Variants in SLC2A8 observed in about 807,000 individuals in gnomAD.
SLC2A8 encodes solute carrier family 2 member 8, also known as solute carrier family 2, facilitated glucose transporter member 8.
A neutral mutation model predicts 49.2 loss-of-function variants in SLC2A8; 53 were observed. The observed-to-expected ratio is 1.08, with a 90% CI of 0.86 to 1.35. The LOEUF (loss-of-function observed/expected upper bound fraction) is 1.35, where lower values mean the gene tolerates loss of function less well. Among genes scored for constraint, SLC2A8 ranks in the 40% most tolerant of loss-of-function variants. The pLI is 0.00. For synonymous variants in SLC2A8, 299 were observed against 297.0 expected, an observed-to-expected ratio of 1.01 and a Z score of -0.07; for missense variants, 688 against 671.7, an observed-to-expected ratio of 1.02 and a Z score of -0.27.
At chr9:127,402,898 T>C (rs1388233990) in intron 5 of SLC2A8, 145 bp downstream of exon 5, 7 of 1,071,074 alleles carry the variant, frequency 6.5e-6, no homozygotes, top group Non-Finnish European at 9.0e-6. Flanking sequence ...ACAGGCCCAG[T>C]GTGTCCTGTC....
At chr9:127,406,121 A>T in intron 9 of SLC2A8, 3 of 511,148 alleles carry the variant, frequency 5.9e-6, no homozygotes, top group Non-Finnish European at 1.2e-5. Context: ...GGGGTAGATG[A>T]TCTGGTTGTT....
At position 127,405,514 on chromosome 9, in the gene SLC2A8, C is replaced by T. The variant is rs371704540; in HGVS notation, c.1245C>T (p.Leu415=). 140 of 1,613,142 alleles carry T rather than the reference C, an allele frequency of 8.7e-5. No homozygotes were observed. The Middle Eastern group carries it at 9.9e-4, about 11-fold the overall frequency. ...VKGVATGICV[L]TNWLMAFLVT... is the part of the protein sequence containing the mutation. ...GCGTGGCGACAGGCATCTGCGTCCT[C>T]ACCAACTGGCTCATGGCCTTTCTCG... The change falls in exon 9 of 10, where the codon CTC becomes CTT. Residue 415 remains leucine, a synonymous_variant. Transcript: ENST00000373371.
intron 3 of SLC2A8, among the ~76,000 whole-genome samples, chr9:127,398,925 TG>T (rs984365425): frequency 2.6e-5 from 4 of 152,226 alleles, no homozygotes; most frequent in Non-Finnish European, 5.9e-5. Context: ...GGCCCCTCCC[TG>T]GGTGCTCATT....
At chr9:127,398,940 C>T (rs1675713971) in intron 3 of SLC2A8, among the ~76,000 whole-genome samples, 2 of 152,238 alleles carry the variant, frequency 1.3e-5, no homozygotes, top group Non-Finnish European at 2.9e-5. Flanking sequence ...GCTCATTTCA[C>T]CAACGTTTGC....
chr9:127,407,264 G>C lies in SLC2A8; in HGVS notation c.*15G>C. 4 of 1,612,802 alleles carry C rather than the reference G, an allele frequency of 2.5e-6. No individual in the cohort carries two copies. The highest frequency in any genetic ancestry group is 3.4e-6 in the Non-Finnish European group (4 of 1,179,914). ...AGGGGCGATGACAGCCACTCACTAG[G>C]GGATGGAGCAAGCCTGTGACTCCAA... On this transcript the variant is annotated 3_prime_UTR_variant, in exon 10 of 10. Transcript: ENST00000373371.
chr9:127,404,174 A>G (rs1026901754), intron 7 of SLC2A8, 107 bp downstream of exon 7: 1 of 742,850 alleles, frequency 1.3e-6, no homozygotes, highest in Admixed American at 2.8e-5. Context: ...GACAAACATC[A>G]TGGACTAATG....
rs924266950 is a variant in SLC2A8 at position 127,397,506 on chromosome 9, C to T, written c.187C>T (p.Arg63Cys). 4 of 1,440,860 alleles carry T rather than the reference C, an allele frequency of 2.8e-6. No homozygotes were observed. Among genetic ancestry groups the T allele is most frequent in the Admixed American group, 3.0e-5 (1 of 33,080 alleles). 89.3% of individuals were successfully genotyped at this position (1,440,860 alleles called of 1,614,324 possible). ...SLQRAAPPAPRLDDAAASWFG... is the reference protein window; with the variant it reads ...SLQRAAPPAPCLDDAAASWFG... ...GCAGCGCGCCGCGCCCCCGGCCCCG[C>T]GCCTGGACGACGCCGCCGCCTCCTG... Residue 63 changes from arginine (R) to cysteine (C), a missense_variant, in exon 2 of 10, where the codon CGC (arginine) becomes TGC (cysteine). By Grantham distance (180) the Arg-to-Cys change is radical. Transcript: ENST00000373371.
Position 127,407,415 on chromosome 9 carries a change from GCT to G in SLC2A8, c.*168_*169del. The G allele has an allele frequency of 1.2e-6, 1 of 848,364 alleles. No individual in the cohort carries two copies. The highest frequency in any genetic ancestry group is 2.0e-6 in the Non-Finnish European group (1 of 504,496). The allele number at this position is 848,364 out of a possible 1,614,324, so 52.6% of individuals were successfully genotyped here. ...CCAGCCCATGACCCGGGGCTAGGAG[GCT>G]CACTGCCTCCTGTTCCAGCTCCTGC... On this transcript the variant is annotated 3_prime_UTR_variant, in exon 10 of 10. Transcript: ENST00000373371.
rs530391555 is a variant in SLC2A8 at position 127,401,575 on chromosome 9, C to T, written c.527-982C>T. On this transcript the variant is annotated intron_variant, in intron 4 of 9. Transcript: ENST00000373371. Reference sequence around the variant, plus strand: ...ACATTCATCATTTCGGGGACAGGTACTGGGTGTCCACCCACCCGTGGCACT... The same window carrying T: ...ACATTCATCATTTCGGGGACAGGTATTGGGTGTCCACCCACCCGTGGCACT... 2.0e-5 allele frequency among the ~76,000 whole-genome samples: 3 copies of T among 152,336 alleles called. No individual in the cohort carries two copies. In the East Asian group the frequency reaches 5.8e-4, roughly 29 times the overall value.
intron 9 of SLC2A8, among the ~76,000 whole-genome samples, chr9:127,405,821 A>G (rs570917673): frequency 1.4e-4 from 22 of 152,334 alleles, no homozygotes; most frequent in South Asian, 2.1e-4. Context: ...CTCTCCCCTT[A>G]GTGAACGTCA....
intron 3 of SLC2A8, among the ~76,000 whole-genome samples, chr9:127,398,687 A>G (rs1833146149): frequency 6.6e-6 from 1 of 152,142 alleles, no homozygotes. Flanking sequence ...TGGTTCTGCC[A>G]CTAACCTGAG....
At chr9:127,400,412 C>T (rs1219829461) in intron 4 of SLC2A8, among the ~76,000 whole-genome samples, 1 of 152,128 alleles carries the variant, frequency 6.6e-6, no homozygotes, top group African/African-American at 2.4e-5. Context: ...CAAACCTCAG[C>T]TTCCCAAAGT....
rs201254853 is a variant in SLC2A8 at position 127,403,983 on chromosome 9, G to A, written c.892G>A (p.Val298Met). 1.6e-4 allele frequency: 254 copies of A among 1,610,706 alleles called. No individual in the cohort carries two copies. The highest frequency in any genetic ancestry group is 2.0e-4 in the Non-Finnish European group (230 of 1,178,330). Residue 298 changes from valine (V) to methionine (M), a missense_variant, in exon 7 of 10, where the codon GTG (valine) becomes ATG (methionine). By Grantham distance (21) the Val-to-Met change is conservative. Coordinates refer to ENST00000373371, the MANE Select transcript of SLC2A8 (RefSeq NM_014580.5). ...FKDSSLASVV[V>M]GVIQVLFTAV... ...GGACAGCAGCCTGGCCTCGGTCGTC[G>A]TGGGTGTCATCCAGGTGCTGTTCAC...
At chr9:127,406,832 G>A (rs117907791) in intron 9 of SLC2A8, among the ~76,000 whole-genome samples, 51 of 152,340 alleles carry the variant, frequency 3.3e-4, no homozygotes, top group Non-Finnish European at 5.7e-4. Context: ...ACTGGATAGC[G>A]GGTCTCTGGC....
intron 2 of SLC2A8, 108 bp from the exon 3 acceptor site, chr9:127,397,797 C>T (rs1416980467): frequency 8.2e-7 from 1 of 1,222,442 alleles, no homozygotes; most frequent in Non-Finnish European, 1.1e-6. Flanking sequence ...CCCCTCGGGA[C>T]GGGCGCGGGG....
chr9:127,402,758 G>A lies in SLC2A8; in HGVS notation c.723+5G>A, dbSNP rs371568405. On this transcript the variant is annotated splice_donor_5th_base_variant and intron_variant, in intron 5 of 9. Transcript: ENST00000373371. ...CCCCCCATCGGGGCTGAGCAGGTGA[G>A]AGGCTGGAAGGCAGAGCTGACAGGA... is the stretch of plus-strand genomic sequence containing the variant. 2.6e-6 allele frequency: 4 copies of A among 1,532,130 alleles called. No homozygotes were observed. The East Asian group carries it at 9.7e-5, about 37-fold the overall frequency. The allele number at this position is 1,532,130 out of a possible 1,614,324, so 94.9% of individuals were successfully genotyped here. A position where few individuals can be genotyped will look rare whatever the true frequency, so the allele number is the denominator to read the frequency against.
In SLC2A8 at chr9:127,400,166, C is replaced by CTTTTTTTTTTTTTTTTTTTTT. The variant is rs796202714; in HGVS notation, c.526+177_526+178insTTTTTTTTTTTTTTTTTTTTT. Among the ~76,000 whole-genome samples the CTTTTTTTTTTTTTTTTTTTTT allele has an allele frequency of 2.4e-4, 28 of 116,800 alleles. 4 individuals are homozygous for CTTTTTTTTTTTTTTTTTTTTT. The highest frequency in any genetic ancestry group is 7.8e-4 in the African/African-American group (23 of 29,474). 76.6% of individuals were successfully genotyped at this position (116,800 alleles called of 152,430 possible). A position where few individuals can be genotyped will look rare whatever the true frequency, so the allele number is the denominator to read the frequency against. On this transcript the variant is annotated intron_variant, in intron 4 of 9. Coordinates refer to ENST00000373371, the MANE Select transcript of SLC2A8 (RefSeq NM_014580.5). ...TCCTGGGACCTTGGGATAGGTGAGT[C>CTTTTTTTTTTTTTTTTTTTTT]TTTTTTTTTTTTTTTTTGAGACAGA...
In SLC2A8 at chr9:127,403,706, T is replaced by TC. The variant is rs1207956586; in HGVS notation, c.771dup (p.Ile258HisfsTer27). ...CGGCAGCCCGGCATCTACAAGCCCT[T>TC]CATCATCGGCGTCTCCCTGATGGCC... On this transcript the variant is annotated frameshift_variant, in exon 6 of 10. Transcript: ENST00000373371. LOFTEE classifies it high-confidence loss of function. 2 of 1,612,632 alleles carry TC rather than the reference T, an allele frequency of 1.2e-6. No individual in the cohort carries two copies. Among genetic ancestry groups the TC allele is most frequent in the East Asian group, 4.5e-5 (2 of 44,872 alleles).
At position 127,402,732 on chromosome 9, in the gene SLC2A8, C is replaced by G. The variant is rs1450302048; in HGVS notation, c.702C>G (p.Asp234Glu). ...FLWGSEQGWE[D>E]PPIGAEQSFH... is the part of the protein sequence containing the mutation. Reference sequence around the variant, plus strand: ...GGGGCTCCGAGCAGGGCTGGGAAGACCCCCCCATCGGGGCTGAGCAGGTGA... The same window carrying G: ...GGGGCTCCGAGCAGGGCTGGGAAGAGCCCCCCATCGGGGCTGAGCAGGTGA... The change falls in exon 5 of 10, where the codon GAC (aspartate) becomes GAG (glutamate). Residue 234 changes from aspartate to glutamate, a missense_variant. Transcript: ENST00000373371. 1.9e-6 allele frequency: 3 copies of G among 1,546,034 alleles called. No individual in the cohort carries two copies. The South Asian group carries it at 3.6e-5, about 18-fold the overall frequency.
Sources: allele counts gnomAD v4.1 joint callset (sites outside exome capture counted in the v4.1 genomes callset), GRCh38; gene constraint gnomAD v4.1.1; transcripts MANE v1.5; gene names NCBI Gene and HGNC (gene_info 2026-07-23, HGNC 2026-07-21).